Variants in UGT3A1 observed in about 807,000 individuals in gnomAD.
UGT3A1 encodes UDP glycosyltransferase family 3 member A1, also known as UDP-glycosyltransferase 3A1.
In UGT3A1, 40 loss-of-function variants were observed where a neutral mutation model predicts 37.6. That is an observed-to-expected ratio of 1.06 (90% CI 0.83 to 1.38). The LOEUF (loss-of-function observed/expected upper bound fraction) is 1.38, where lower values mean the gene tolerates loss of function less well. Ranked by LOEUF, UGT3A1 falls within the 40% of genes most tolerant of loss-of-function variation. The pLI is 0.00. For synonymous variants in UGT3A1, 256 were observed against 232.3 expected (o/e 1.10, Z -0.93); for missense variants, 642 against 634.2 (o/e 1.01, Z -0.13).
chr5:35,967,162 T>C (rs1261510117), intron 3 of UGT3A1, among the ~76,000 whole-genome samples: 3 of 152,172 alleles, frequency 2.0e-5, no homozygotes. Context: ...ACAACACATA[T>C]ACTTTAAAAA....
chr5:35,994,320 T>C (rs574017694), upstream of UGT3A1, among the ~76,000 whole-genome samples: 3 of 144,214 alleles, frequency 2.1e-5, no homozygotes, highest in East Asian at 6.3e-4. Context: ...AGTTTTGTTT[T>C]GTTTTGTTTT....
intron 2 of UGT3A1, among the ~76,000 whole-genome samples, chr5:35,976,564 G>C (rs1386600715): frequency 6.6e-6 from 1 of 152,152 alleles, no homozygotes; most frequent in Admixed American, 6.5e-5. Context: ...TGTAGGACAG[G>C]CATAGTAGCT....
At chr5:35,966,043 C>A (rs1395652538) in intron 3 of UGT3A1, 126 bp from the exon 4 acceptor site, 1 of 735,422 alleles carries the variant, frequency 1.4e-6, no homozygotes, top group African/African-American at 1.8e-5. Context: ...TCAACCCATT[C>A]TACAATGTTT....
At position 35,951,009 on chromosome 5, in the gene UGT3A1, G is replaced by A. The variant is rs55929632; in HGVS notation, c.*3193C>T. 900 of 151,862 alleles carry A rather than the reference G, an allele frequency of 5.9e-3. 9 individuals are homozygous for A. The highest frequency in any genetic ancestry group is 0.021 in the African/African-American group (854 of 41,444). 9.4% of individuals were successfully genotyped at this position (151,862 alleles called of 1,614,324 possible). On this transcript the variant is annotated 3_prime_UTR_variant, in exon 7 of 7. Coordinates refer to ENST00000274278, the MANE Select transcript of UGT3A1 (RefSeq NM_152404.4). ...AATTACTCAATAGACTACAAGATTC[G>A]TTTGGAGTTCTTTTTTTTTTCTGTT...
intron 1 of UGT3A1, among the ~76,000 whole-genome samples, chr5:35,990,474 C>T (rs1350058823): frequency 6.6e-6 from 1 of 151,948 alleles, no homozygotes; most frequent in East Asian, 1.9e-4. Context: ...AAACTGAGGC[C>T]CAAAATGCAG....
chr5:35,997,583 T>G (rs1199459916), intron 1 of UGT3A1, among the ~76,000 whole-genome samples: 3 of 152,114 alleles, frequency 2.0e-5, no homozygotes, highest in Non-Finnish European at 4.4e-5. Context: ...CCTGCCATTA[T>G]GCCTGGCTAA....
At chr5:35,998,528 A>G (rs890722901) in intron 1 of UGT3A1, among the ~76,000 whole-genome samples, 1 of 152,190 alleles carries the variant, frequency 6.6e-6, no homozygotes, top group Non-Finnish European at 1.5e-5. Context: ...ATTTCCCACT[A>G]CAGTGATCTT....
chr5:35,980,567 A>G (rs1740481086), intron 2 of UGT3A1, among the ~76,000 whole-genome samples: 1 of 152,214 alleles, frequency 6.6e-6, no homozygotes, highest in South Asian at 2.1e-4. Flanking sequence ...TACCAGAAAT[A>G]ATCAAGTAGA....
intron 4 of UGT3A1, among the ~76,000 whole-genome samples, chr5:35,960,260 A>G (rs1739522971): frequency 6.6e-6 from 1 of 152,258 alleles, no homozygotes; most frequent in Admixed American, 6.5e-5. Context: ...AGAAGTTCTC[A>G]CAATTGCTGA....
chr5:35,958,124 TTATAA>T (rs1272664922), intron 4 of UGT3A1, among the ~76,000 whole-genome samples: 2 of 152,214 alleles, frequency 1.3e-5, no homozygotes, highest in Admixed American at 6.5e-5. Flanking sequence ...TAAATGATAC[TTATAA>T]TATTATAATT....
At chr5:35,993,740 AC>A (rs1741023444), upstream of UGT3A1, among the ~76,000 whole-genome samples, 1 of 152,088 alleles carries the variant, frequency 6.6e-6, no homozygotes, top group East Asian at 1.9e-4. Context: ...AGTGAAAGTG[AC>A]CCAGCCTGCA....
In UGT3A1 at chr5:35,952,131, A is replaced by ACACT. The variant is rs1739211125; in HGVS notation, c.*2067_*2070dup. ...CAGGCTTACCAATGTGAACACAATG[A>ACACT]CACTGGATACTGACAGATAAGCAGA... On this transcript the variant is annotated 3_prime_UTR_variant, in exon 7 of 7. Transcript: ENST00000274278. The ACACT allele has an allele frequency of 6.6e-6, 1 of 152,268 alleles. No individual in the cohort carries two copies. Among genetic ancestry groups the ACACT allele is most frequent in the Non-Finnish European group, 1.5e-5 (1 of 68,052 alleles). The allele number at this position is 152,268 out of a possible 1,614,324, so 9.4% of individuals were successfully genotyped here.
intron 2 of UGT3A1, 29 bp downstream of exon 2, chr5:35,988,421 A>G: frequency 6.6e-7 from 1 of 1,503,788 alleles, no homozygotes; most frequent in Middle Eastern, 1.7e-4. Context: ...GAGTAAAAGA[A>G]TATAAAAATT....
At chr5:35,961,177 A>G (rs1053380321) in intron 4 of UGT3A1, 3 of 152,172 alleles carry the variant, frequency 2.0e-5, no homozygotes, top group South Asian at 2.1e-4. Flanking sequence ...TAGCCGTATC[A>G]TCTCCCCTCT....
chr5:35,957,064 A>G (rs1374649227), intron 5 of UGT3A1, 124 bp downstream of exon 5: 9 of 738,904 alleles, frequency 1.2e-5, no homozygotes, highest in Non-Finnish European at 2.0e-5. Context: ...TCCTCTGAGC[A>G]TTACCTTTAC....
intron 4 of UGT3A1, among the ~76,000 whole-genome samples, 177 bp from the exon 5 acceptor site, chr5:35,957,596 T>C (rs1201768068): frequency 1.3e-5 from 2 of 152,220 alleles, no homozygotes; most frequent in Non-Finnish European, 2.9e-5. Context: ...TGTGCTCATA[T>C]TGTGTCTGGA....
intron 2 of UGT3A1, among the ~76,000 whole-genome samples, chr5:35,975,664 T>TC (rs1374767742): frequency 6.7e-6 from 1 of 148,480 alleles, no homozygotes. Context: ...AGTGAAGCAT[T>TC]TTTTTTTTTA....
At chr5:35,983,390 T>C (rs1459221367) in intron 2 of UGT3A1, among the ~76,000 whole-genome samples, 1 of 152,082 alleles carries the variant, frequency 6.6e-6, no homozygotes, top group African/African-American at 2.4e-5. Flanking sequence ...TCATGAGGAA[T>C]GAAATCAAAG....
chr5:35,962,826 G>A (rs932258733), intron 4 of UGT3A1: 3 of 697,602 alleles, frequency 4.3e-6, no homozygotes, highest in Non-Finnish European at 7.8e-6. Flanking sequence ...AGACTCAGTG[G>A]TTCAGGATAC....
Sources: gnomAD v4.1 joint callset for allele counts (sites outside exome capture counted in the v4.1 genomes callset) on GRCh38, gnomAD v4.1.1 for gene constraint, MANE v1.5 for transcripts, NCBI Gene and HGNC (gene_info 2026-07-23, HGNC 2026-07-21) for gene names.